CMSS1: variants seen among roughly 807,000 people sequenced by gnomAD.
CMSS1 encodes cms1 ribosomal small subunit homolog, also known as protein CMSS1.
A neutral mutation model predicts 43.5 loss-of-function variants in CMSS1; 33 were observed. That is an observed-to-expected ratio of 0.76 (90% CI 0.57 to 1.01). The LOEUF is 1.01. Among genes scored for constraint, CMSS1 ranks in the 50% least tolerant of loss-of-function variants. CMSS1 has a pLI of 0.00. For missense variants in CMSS1, 313 were observed against 326.4 expected (o/e 0.96, Z 0.32); for synonymous variants, 115 against 117.2 (o/e 0.98, Z 0.12).
Position 99,818,006 on chromosome 3 carries a change from G to C in CMSS1, c.27G>C (p.Trp9Cys). MADDLGDEWWENQPTGAGS... is the reference protein window; with the variant it reads MADDLGDECWENQPTGAGS... ...TGGCAGACGATCTCGGAGACGAGTG[G>C]TGGGAGAACCAGCCGACTGGAGCAG... Residue 9 changes from tryptophan to cysteine, a missense_variant, in exon 1 of 10, where the codon TGG becomes TGC. Transcript: ENST00000421999. 6.2e-7 allele frequency: 1 copy of C among 1,614,028 alleles called. No homozygotes were observed. The highest frequency in any genetic ancestry group is 8.5e-7 in the Non-Finnish European group (1 of 1,180,014).
At chr3:100,031,751 T>A (rs549225133) in intron 1 of CMSS1, among the ~76,000 whole-genome samples, 5 of 152,168 alleles carry the variant, frequency 3.3e-5, no homozygotes, top group Non-Finnish European at 5.9e-5. Context: ...TACGTTTATT[T>A]GCCTCACTTT....
chr3:99,989,026 G>A (rs1219674113), intron 1 of CMSS1, among the ~76,000 whole-genome samples: 2 of 152,142 alleles, frequency 1.3e-5, no homozygotes, highest in Non-Finnish European at 2.9e-5. Flanking sequence ...GGAAAAATTA[G>A]GAATTATTTT....
intron 1 of CMSS1, chr3:99,924,510 T>G: frequency 8.4e-7 from 1 of 1,187,256 alleles, no homozygotes; most frequent in Non-Finnish European, 1.2e-6. Flanking sequence ...GGCAGTGGGT[T>G]TTTTTGGTTT....
At chr3:99,905,431 G>A (rs1706583182) in intron 1 of CMSS1, among the ~76,000 whole-genome samples, 1 of 152,052 alleles carries the variant, frequency 6.6e-6, no homozygotes, top group Non-Finnish European at 1.5e-5. Flanking sequence ...TTGTCATCAG[G>A]GCCCACAGCA....
At chr3:100,058,129 G>A (rs2065496978) in intron 1 of CMSS1, among the ~76,000 whole-genome samples, 1 of 152,096 alleles carries the variant, frequency 6.6e-6, no homozygotes, top group Non-Finnish European at 1.5e-5. Flanking sequence ...CTTTCCTAGG[G>A]CTCCACATTT....
intron 1 of CMSS1, among the ~76,000 whole-genome samples, chr3:99,968,037 A>C (rs1038285061): frequency 2.0e-4 from 30 of 152,254 alleles, no homozygotes; most frequent in African/African-American, 7.0e-4. Flanking sequence ...AGAGAGATAC[A>C]ATCTCTGCCT....
chr3:99,851,176 T>A, intron 1 of CMSS1: 9 of 910,548 alleles, frequency 9.9e-6, no homozygotes, highest in Non-Finnish European at 1.4e-5. Flanking sequence ...ATATGAGCTG[T>A]GTCAGTTCAT....
intron 1 of CMSS1, among the ~76,000 whole-genome samples, chr3:100,037,038 TA>T (rs576117073): frequency 2.0e-5 from 3 of 151,994 alleles, no homozygotes; most frequent in Non-Finnish European, 4.4e-5. Flanking sequence ...CAAAGAGACA[TA>T]AAAACTAAAT....
At chr3:100,067,398 A>G (rs2065685082) in intron 1 of CMSS1, among the ~76,000 whole-genome samples, 1 of 152,192 alleles carries the variant, frequency 6.6e-6, no homozygotes, top group African/African-American at 2.4e-5. Flanking sequence ...GGTTGTATAT[A>G]TAAGAAAGGT....
intron 1 of CMSS1, among the ~76,000 whole-genome samples, chr3:100,048,622 G>A (rs1361387505): frequency 6.6e-6 from 1 of 152,050 alleles, no homozygotes. Context: ...CACTTTTTTG[G>A]ACTGCCATTT....
At chr3:99,946,871 A>G (rs1404711605) in intron 1 of CMSS1, among the ~76,000 whole-genome samples, 1 of 152,160 alleles carries the variant, frequency 6.6e-6, no homozygotes, top group African/African-American at 2.4e-5. Context: ...TCCATCAAGG[A>G]TACAGTCATT....
intron 1 of CMSS1, among the ~76,000 whole-genome samples, chr3:99,863,045 C>T (rs769454355): frequency 6.6e-6 from 1 of 152,172 alleles, no homozygotes; most frequent in Non-Finnish European, 1.5e-5. Context: ...ACTTGGTCTA[C>T]TTAGGCAGCG....
At chr3:99,925,849 G>C in intron 1 of CMSS1, 1 of 985,406 alleles carries the variant, frequency 1.0e-6, no homozygotes. Context: ...AGACAGCCAA[G>C]CTCACTGGGC....
intron 1 of CMSS1, among the ~76,000 whole-genome samples, chr3:100,096,880 T>C (rs1252182018): frequency 1.3e-5 from 2 of 152,118 alleles, no homozygotes; most frequent in African/African-American, 4.8e-5. Flanking sequence ...ATATACCCCA[T>C]AAATATATAC....
chr3:99,902,764 C>T (rs1351825569), intron 1 of CMSS1, among the ~76,000 whole-genome samples: 1 of 152,010 alleles, frequency 6.6e-6, no homozygotes, highest in Non-Finnish European at 1.5e-5. Flanking sequence ...ATTCTAGTTG[C>T]CTGTCATGGA....
intron 1 of CMSS1, among the ~76,000 whole-genome samples, chr3:100,117,449 GA>G (rs2066580432): frequency 6.6e-6 from 1 of 151,682 alleles, no homozygotes; most frequent in Admixed American, 6.6e-5. Context: ...GGCTATATGA[GA>G]AAAAAATAAG....
At chr3:99,991,742 C>A (rs1470980935) in intron 1 of CMSS1, among the ~76,000 whole-genome samples, 1 of 151,714 alleles carries the variant, frequency 6.6e-6, no homozygotes, top group East Asian at 1.9e-4. Flanking sequence ...AGGATAATGG[C>A]CTCCAGTTCC....
At chr3:100,077,783 G>A (rs1035638876) in intron 1 of CMSS1, among the ~76,000 whole-genome samples, 1 of 152,064 alleles carries the variant, frequency 6.6e-6, no homozygotes, top group African/African-American at 2.4e-5. Context: ...GGCTGTGCAT[G>A]TCTGTGGTCC....
chr3:99,826,242 T>C (rs1326953025), intron 1 of CMSS1, among the ~76,000 whole-genome samples: 6 of 152,228 alleles, frequency 3.9e-5, no homozygotes, highest in African/African-American at 1.4e-4. Flanking sequence ...ATGGCTAATA[T>C]TGCTTATAAA....
Sources: gnomAD v4.1 joint callset for allele counts (sites outside exome capture counted in the v4.1 genomes callset) on GRCh38, gnomAD v4.1.1 for gene constraint, MANE v1.5 for transcripts, NCBI Gene and HGNC (gene_info 2026-07-23, HGNC 2026-07-21) for gene names.